The following SLC10A1 variants were observed in gnomAD, a reference collection of about 807,000 sequenced individuals.
The protein encoded by SLC10A1 is solute carrier family 10 member 1.
Under a neutral mutation model 20.5 loss-of-function variants are expected in SLC10A1, and 36 were observed. That is an observed-to-expected ratio of 1.75 (90% confidence interval 1.34 to 2.32). The LOEUF (loss-of-function observed/expected upper bound fraction) is 2.32. Among genes scored for constraint, SLC10A1 ranks in the 30% most tolerant of loss-of-function variants. The pLI is 0.00. For missense variants in SLC10A1, 545 were observed against 439.1 expected, an observed-to-expected ratio of 1.24 and a Z score of -2.16; for synonymous variants, 188 against 163.6, an observed-to-expected ratio of 1.15 and a Z score of -1.14.
chr14:69,782,237 C>A (rs1307920730), intron 2 of SLC10A1, among the ~76,000 whole-genome samples: 1 of 152,126 alleles, frequency 6.6e-6, no homozygotes, highest in African/African-American at 2.4e-5. Flanking sequence ...CCAGGGCATG[C>A]CTGGGTTTTT....
chr14:69,777,578 G>GTTTTT lies in SLC10A1; in HGVS notation c.943+750_943+754dup, dbSNP rs4646293. 2.2e-3 allele frequency among the ~76,000 whole-genome samples: 161 copies of GTTTTT among 72,440 alleles called. 14 individuals carry two copies. Among genetic ancestry groups the GTTTTT allele is most frequent in the Non-Finnish European group, 3.5e-3 (135 of 38,974 alleles). 47.5% of individuals were successfully genotyped at this position (72,440 alleles called of 152,430 possible). On this transcript the variant is annotated intron_variant, in intron 4 of 4. Transcript: ENST00000216540. The stretch of plus-strand genomic sequence containing the variant: ...GTTATAAAGTGGGTTTGAATGTCCT[G>GTTTTT]TTTTTTTTTTTTTTTTTTTTTTTTT...
chr14:69,782,767 C>A (rs538624472), intron 2 of SLC10A1, among the ~76,000 whole-genome samples: 2 of 150,688 alleles, frequency 1.3e-5, no homozygotes, highest in Non-Finnish European at 2.9e-5. Context: ...GAGCTCGCGC[C>A]ACTGCACTCC....
intron 3 of SLC10A1, 62 bp downstream of exon 3, chr14:69,779,120 T>G (rs915946506): frequency 6.3e-6 from 8 of 1,272,668 alleles, no homozygotes; most frequent in Non-Finnish European, 8.5e-6. Flanking sequence ...GAGAATGTGC[T>G]ACTCCCCTCC....
At chr14:69,778,653 C>T (rs1196072376) in intron 3 of SLC10A1, 124 bp from the exon 4 acceptor site, 1 of 736,518 alleles carries the variant, frequency 1.4e-6, no homozygotes, top group South Asian at 2.4e-5. Context: ...GGGTACTTTG[C>T]TATTGCTGCT....
chr14:69,790,716 GA>G (rs1254711088), intron 1 of SLC10A1, among the ~76,000 whole-genome samples: 1 of 151,902 alleles, frequency 6.6e-6, no homozygotes, highest in African/African-American at 2.4e-5. Flanking sequence ...TCTTTAACAA[GA>G]GGAATAAAGC....
intron 3 of SLC10A1, among the ~76,000 whole-genome samples, 198 bp downstream of exon 3, chr14:69,778,984 G>A (rs1053475696): frequency 6.6e-6 from 1 of 152,004 alleles, no homozygotes; most frequent in Non-Finnish European, 1.5e-5. Flanking sequence ...GGGCAACATG[G>A]TAAAACCCTG....
rs750857596 is a variant in SLC10A1 at position 69,778,509 on chromosome 14, A to G, written c.767T>C (p.Met256Thr). The G allele has an allele frequency of 4.8e-5, 78 of 1,610,026 alleles. No homozygotes were observed. The highest frequency in any genetic ancestry group is 2.5e-4 in the African/African-American group (19 of 74,798). Residue 256 changes from methionine to threonine, a missense_variant, in exon 4 of 5, where the codon ATG becomes ACG. Transcript: ENST00000216540. Reference sequence around the variant, plus strand: ...TTGGACATTTTGGCATCCAGTCTCCATGCTGACAGTGCGTCTGCACCTGTG... The same window carrying G: ...TTGGACATTTTGGCATCCAGTCTCCGTGCTGACAGTGCGTCTGCACCTGTG... Reference protein sequence around the residue: ...LNGRCRRTVSMETGCQNVQLC... With the variant: ...LNGRCRRTVSTETGCQNVQLC...
chr14:69,786,425 T>A, intron 1 of SLC10A1, 118 bp from the exon 2 acceptor site: 1 of 743,470 alleles, frequency 1.3e-6, no homozygotes, highest in Non-Finnish European at 2.3e-6. Context: ...TTCAGTTCCT[T>A]TTCCCCATAA....
intron 1 of SLC10A1, among the ~76,000 whole-genome samples, chr14:69,788,771 C>T (rs1883781111): frequency 1.3e-5 from 2 of 152,206 alleles, no homozygotes; most frequent in African/African-American, 4.8e-5. Flanking sequence ...TAGTCTCGAT[C>T]TCCTGACCTC....
chr14:69,791,017 G>A lies in SLC10A1; in HGVS notation c.357-4710C>T, dbSNP rs540422312. On this transcript the variant is annotated intron_variant, in intron 1 of 4. Coordinates refer to ENST00000216540, the MANE Select transcript of SLC10A1 (RefSeq NM_003049.4). ...ATATATTTTAAAAGACACCATTTAT[G>A]ATATTCACAAAACTAGAAAATACTT... 3.3e-5 allele frequency among the ~76,000 whole-genome samples: 5 copies of A among 152,040 alleles called. No individual in the cohort carries two copies. The South Asian group carries it at 1.0e-3, about 32-fold the overall frequency.
At chr14:69,786,345 C>T (rs764379218) in intron 1 of SLC10A1, 38 bp from the exon 2 acceptor site, 4 of 1,525,088 alleles carry the variant, frequency 2.6e-6, no homozygotes, top group South Asian at 2.2e-5. Flanking sequence ...AGAGAGAGAG[C>T]CCATAAATAC....
Position 69,778,508 on chromosome 14 carries a change from C to T in SLC10A1, c.768G>A (p.Met256Ile). 6.2e-7 allele frequency: 1 copy of T among 1,610,104 alleles called. No individual in the cohort carries two copies. Among genetic ancestry groups the T allele is most frequent in the South Asian group, 1.1e-5 (1 of 90,612 alleles). Residue 256 changes from methionine to isoleucine, a missense_variant, in exon 4 of 5, where the codon ATG becomes ATA. By Grantham distance (10) the Met-to-Ile change is conservative. Transcript: ENST00000216540. ...LNGRCRRTVSMETGCQNVQLC... is the reference protein window; with the variant it reads ...LNGRCRRTVSIETGCQNVQLC... ...GTTGGACATTTTGGCATCCAGTCTC[C>T]ATGCTGACAGTGCGTCTGCACCTGT...
intron 1 of SLC10A1, among the ~76,000 whole-genome samples, chr14:69,787,612 A>G (rs1883752856): frequency 1.3e-5 from 2 of 152,384 alleles, no homozygotes; most frequent in Non-Finnish European, 2.9e-5. Context: ...ATAGGTAGGC[A>G]TGTCATAAGG....
At chr14:69,777,339 G>A (rs1198753468) in intron 4 of SLC10A1, among the ~76,000 whole-genome samples, 1 of 152,164 alleles carries the variant, frequency 6.6e-6, no homozygotes, top group Non-Finnish European at 1.5e-5. Context: ...TTAGCTAATT[G>A]CAAAGGGAGA....
At chr14:69,789,532 G>A (rs1410445417) in intron 1 of SLC10A1, among the ~76,000 whole-genome samples, 1 of 152,186 alleles carries the variant, frequency 6.6e-6, no homozygotes, top group Non-Finnish European at 1.5e-5. Flanking sequence ...AAGGGTTGGA[G>A]CAGGAGAGAG....
chr14:69,783,750 G>C (rs1217486754), intron 2 of SLC10A1, among the ~76,000 whole-genome samples: 4 of 152,146 alleles, frequency 2.6e-5, no homozygotes, highest in African/African-American at 4.8e-5. Context: ...TGGATGAGAA[G>C]GCCATTTGAG....
In SLC10A1 at chr14:69,778,455, A is replaced by G. The variant is rs1454047410; in HGVS notation, c.821T>C (p.Phe274Ser). ...AAGTGGTCCAATGACTTCAGGTGGA[A>G]AGGCCACATTGAGGATGGTGGAACA... ...QLCSTILNVA[F>S]PPEVIGPLFF... Residue 274 changes from phenylalanine (F) to serine (S), a missense_variant, in exon 4 of 5, where the codon TTT becomes TCT. Transcript: ENST00000216540. The G allele has an allele frequency of 1.7e-5, 28 of 1,613,908 alleles. No individual in the cohort carries two copies. Among genetic ancestry groups the G allele is most frequent in the Non-Finnish European group, 2.3e-5 (27 of 1,179,992 alleles).
chr14:69,793,296 G>A (rs1036266814), intron 1 of SLC10A1, among the ~76,000 whole-genome samples: 28 of 152,144 alleles, frequency 1.8e-4, no homozygotes, highest in African/African-American at 6.8e-4. Flanking sequence ...CTAGCCTGCT[G>A]GCATCCGTGA....
At chr14:69,789,138 A>G (rs1883787810) in intron 1 of SLC10A1, among the ~76,000 whole-genome samples, 1 of 152,232 alleles carries the variant, frequency 6.6e-6, no homozygotes, top group African/African-American at 2.4e-5. Context: ...GTGCTTTGGA[A>G]AATAGTTTGG....
Sources: gnomAD v4.1 joint callset for allele counts (sites outside exome capture counted in the v4.1 genomes callset) on GRCh38, gnomAD v4.1.1 for gene constraint, MANE v1.5 for transcripts, NCBI Gene and HGNC (gene_info 2026-07-23, HGNC 2026-07-21) for gene names.